IGF2R: variants seen among roughly 807,000 people sequenced by gnomAD.
The protein encoded by IGF2R is insulin like growth factor 2 receptor, also known as cation-independent mannose-6-phosphate receptor.
In IGF2R, 91 loss-of-function variants were observed where a neutral mutation model predicts 270.6. The observed-to-expected ratio is 0.34, with a 90% CI of 0.28 to 0.40. IGF2R has a LOEUF of 0.40. Among genes scored for constraint, IGF2R ranks in the 10% least tolerant of loss-of-function variants. The pLI, the probability that IGF2R is intolerant of heterozygous loss-of-function variation, is 1.00. For synonymous variants in IGF2R, 1,316 were observed against 1,258.9 expected (o/e 1.05, Z -0.96); for missense variants, 2,805 against 3,188.3 (o/e 0.88, Z 2.90).
chr6:159,981,253 G>T (rs909756607), intron 1 of IGF2R, among the ~76,000 whole-genome samples: 5 of 152,180 alleles, frequency 3.3e-5, no homozygotes, highest in Non-Finnish European at 7.3e-5. Context: ...GTGTGTATGT[G>T]TGCGTGAGTG....
Position 160,075,923 on chromosome 6 carries a change from C to A in IGF2R, c.5243C>A (p.Thr1748Asn), listed in dbSNP as rs1390503860. The change falls in exon 36 of 48, where the codon ACT (threonine) becomes AAT (asparagine). Residue 1748 changes from threonine to asparagine, a missense_variant. Physicochemically the swap from Thr to Asn is moderately conservative, Grantham distance 65. Around this residue, in one of 2 missense-constraint regions of IGF2R, gnomAD observed 1,851 missense variants for 2,207.2 expected, o/e 0.84. Coordinates refer to ENST00000356956, the MANE Select transcript of IGF2R (RefSeq NM_000876.4). Reference protein sequence around the residue: ...NEIYLNFESSTPCLADKHFNY... With the variant: ...NEIYLNFESSNPCLADKHFNY... ...ATTTACTTGAATTTTGAAAGCAGTA[C>A]TCCTTGCTTAGCGGACAAGCATTTC... is the stretch of plus-strand genomic sequence containing the variant. 6.2e-7 allele frequency: 1 copy of A among 1,613,896 alleles called. No homozygotes were observed. Among genetic ancestry groups the A allele is most frequent in the South Asian group, 1.1e-5 (1 of 91,082 alleles).
chr6:160,099,064 A>G (rs1268875826), intron 45 of IGF2R, among the ~76,000 whole-genome samples: 1 of 152,216 alleles, frequency 6.6e-6, no homozygotes, highest in African/African-American at 2.4e-5. Context: ...ACACAAAGCT[A>G]AAAGACAGGC....
At chr6:159,994,091 C>A (rs1784017930) in intron 2 of IGF2R, among the ~76,000 whole-genome samples, 1 of 140,130 alleles carries the variant, frequency 7.1e-6, no homozygotes, top group South Asian at 2.3e-4. Flanking sequence ...TGGTCCTGTG[C>A]TTTTTCTTGG....
chr6:160,061,480 C>T lies in IGF2R; in HGVS notation c.3263-23C>T, dbSNP rs367946867. 26 of 1,611,694 alleles carry T rather than the reference C, an allele frequency of 1.6e-5. No individual in the cohort carries two copies. In the East Asian group the frequency reaches 2.5e-4, roughly 15 times the overall value. ...CTCACAAGGAGGCAGAGTTCTCCAG[C>T]GTGGTTTTTTGTTGTGTTTCAGACC... is the stretch of plus-strand genomic sequence containing the variant. On this transcript the variant is annotated intron_variant, in intron 23 of 47. Transcript: ENST00000356956.
At chr6:160,099,102 T>C (rs569245115) in intron 45 of IGF2R, among the ~76,000 whole-genome samples, 2 of 152,338 alleles carry the variant, frequency 1.3e-5, no homozygotes, top group South Asian at 4.1e-4. Flanking sequence ...GCAGGCTATG[T>C]GCCCAGCACA....
intron 10 of IGF2R, among the ~76,000 whole-genome samples, 160 bp from the exon 11 acceptor site, chr6:160,040,400 C>T (rs1194521078): frequency 4.6e-5 from 7 of 152,188 alleles, no homozygotes; most frequent in Non-Finnish European, 1.0e-4. Flanking sequence ...TAATAGAAGC[C>T]TGTGTCAACT....
At chr6:159,989,132 C>A (rs1783937189) in intron 1 of IGF2R, among the ~76,000 whole-genome samples, 1 of 152,208 alleles carries the variant, frequency 6.6e-6, no homozygotes, top group Non-Finnish European at 1.5e-5. Flanking sequence ...TGCTTAGTGG[C>A]TATCAGACCT....
intron 6 of IGF2R, among the ~76,000 whole-genome samples, chr6:160,029,020 G>A (rs533548083): frequency 6.6e-6 from 1 of 152,238 alleles, no homozygotes; most frequent in East Asian, 1.9e-4. Context: ...GTCTTGCTGT[G>A]TCACGTAGGC....
chr6:160,043,277 T>C lies in IGF2R; in HGVS notation c.1610T>C (p.Val537Ala). The part of the protein sequence containing the change: ...KARGCPEDAA[V>A]CAVDKNGSKN... Reference sequence around the variant, plus strand: ...CGAGGGTGTCCCGAGGACGCGGCAGTGTGTGCAGTGGGTGAGTTGTGCCTG... The same window carrying C: ...CGAGGGTGTCCCGAGGACGCGGCAGCGTGTGCAGTGGGTGAGTTGTGCCTG... The change falls in exon 12 of 48, where the codon GTG (valine) becomes GCG (alanine). Residue 537 changes from valine (V) to alanine (A), a missense_variant. By Grantham distance (64) the Val-to-Ala change is moderately conservative (BLOSUM62 0). This residue lies in a region of IGF2R where 954 missense variants were observed against 981.1 expected (regional missense o/e 0.97). Coordinates refer to ENST00000356956, the MANE Select transcript of IGF2R (RefSeq NM_000876.4). 1.2e-6 allele frequency: 2 copies of C among 1,613,970 alleles called. No individual in the cohort carries two copies. Among genetic ancestry groups the C allele is most frequent in the South Asian group, 2.2e-5 (2 of 91,052 alleles).
At position 160,050,116 on chromosome 6, in the gene IGF2R, C is replaced by A. The variant is rs946965797; in HGVS notation, c.2515-357C>A. Among the ~76,000 whole-genome samples the A allele has an allele frequency of 7.2e-5, 11 of 152,192 alleles. No homozygotes were observed. The highest frequency in any genetic ancestry group is 2.7e-4 in the African/African-American group (11 of 41,444). ...CAGCCGTTCCACCGGAATTCAGGAT[C>A]TGAAGAACATCTTACACGATTATTG... is the stretch of plus-strand genomic sequence containing the variant. On this transcript the variant is annotated intron_variant, in intron 18 of 47. Coordinates refer to ENST00000356956, the MANE Select transcript of IGF2R (RefSeq NM_000876.4). This position sits in a 1 kb window ranked among gnomAD's most constrained non-coding sequence, Gnocchi z 4.0.
chr6:160,059,271 A>G (rs762536550), intron 22 of IGF2R, among the ~76,000 whole-genome samples, 173 bp downstream of exon 22: 8 of 152,208 alleles, frequency 5.3e-5, no homozygotes, highest in Non-Finnish European at 1.0e-4. Flanking sequence ...CTCGCAGAAT[A>G]CAGGGGTCCC....
intron 3 of IGF2R, among the ~76,000 whole-genome samples, chr6:160,009,945 T>C (rs1300499570): frequency 6.6e-6 from 1 of 151,988 alleles, no homozygotes; most frequent in Non-Finnish European, 1.5e-5. Flanking sequence ...TTGTTAATTT[T>C]GGATCCGCAT....
At chr6:160,030,593 A>T (rs1777673249) in intron 7 of IGF2R, among the ~76,000 whole-genome samples, 1 of 152,182 alleles carries the variant, frequency 6.6e-6, no homozygotes, top group African/African-American at 2.4e-5. Context: ...TTTCATTTGT[A>T]CCTACAGATG....
intron 29 of IGF2R, 92 bp from the exon 30 acceptor site, chr6:160,068,157 T>C: frequency 6.9e-7 from 1 of 1,441,300 alleles, no homozygotes; most frequent in Middle Eastern, 1.8e-4. Flanking sequence ...GCTTAGACTA[T>C]GCCTGAATAC....
Position 160,108,708 on chromosome 6 carries a change from G to A in IGF2R, c.*3624G>A, listed in dbSNP as rs1318963593. On this transcript the variant is annotated 3_prime_UTR_variant, in exon 48 of 48. Transcript: ENST00000356956. ...TTCTTTCTCTCTTTCTTTCGAGATG[G>A]AGTCTCGCTCTGTTGCCAGGCTGGA... 1 of 150,688 alleles carries A rather than the reference G, an allele frequency of 6.6e-6. No individual in the cohort carries two copies. Among genetic ancestry groups the A allele is most frequent in the Non-Finnish European group, 1.5e-5 (1 of 67,910 alleles). The allele number at this position is 150,688 out of a possible 1,614,324, so 9.3% of individuals were successfully genotyped here.
At chr6:159,978,546 TCCCTGG>T (rs1307365035) in intron 1 of IGF2R, among the ~76,000 whole-genome samples, 1 of 151,972 alleles carries the variant, frequency 6.6e-6, no homozygotes, top group Non-Finnish European at 1.5e-5. Context: ...TCTCCAGGCC[TCCCTGG>T]AGGGTGGAGG....
At chr6:160,090,619 T>A (rs895697653) in intron 44 of IGF2R, among the ~76,000 whole-genome samples, 2 of 152,254 alleles carry the variant, frequency 1.3e-5, no homozygotes, top group Admixed American at 1.3e-4. Context: ...TGCCCTTTGT[T>A]CCCTCACATA....
chr6:159,969,620 C>T (rs1401652079), intron 1 of IGF2R, among the ~76,000 whole-genome samples: 1 of 152,142 alleles, frequency 6.6e-6, no homozygotes, highest in Non-Finnish European at 1.5e-5. Flanking sequence ...TCGTGGCGGT[C>T]CTGGAGCCCC....
rs1779507790 is a variant in IGF2R, at chr6:160,102,472, G to A, written c.6843-47G>A. 1 of 1,586,650 alleles carries A rather than the reference G, an allele frequency of 6.3e-7. No individual in the cohort carries two copies. The highest frequency in any genetic ancestry group is 1.3e-5 in the African/African-American group (1 of 74,536). On this transcript the variant is annotated intron_variant, in intron 45 of 47. Transcript: ENST00000356956. The surrounding 1 kb of genome is among the most constrained non-coding windows in gnomAD (Gnocchi z 4.5). ...CAGGTCTCAGGTTGTGGCTGTGGCAGCAGGACCACCCTGTGACACGGCTCC... is the reference window on the plus strand; with the variant it reads ...CAGGTCTCAGGTTGTGGCTGTGGCAACAGGACCACCCTGTGACACGGCTCC...
Sources: gnomAD v4.1 joint callset for allele counts (sites outside exome capture counted in the v4.1 genomes callset) on GRCh38, gnomAD v4.1.1 for gene constraint, gnomAD v4.1.1 regional missense constraint, Gnocchi (gnomAD v3.1) non-coding constraint, MANE v1.5 for transcripts, NCBI Gene and HGNC (gene_info 2026-07-23, HGNC 2026-07-21) for gene names.